The following DMD variants were observed in gnomAD, a reference collection of about 807,000 sequenced individuals.
DMD encodes the protein mutant dystrophin.
In DMD, 63 loss-of-function variants were observed where a neutral mutation model predicts 330.1. The ratio of observed to expected loss-of-function variants is 0.19; its 90% confidence interval spans 0.16 to 0.24. DMD has a LOEUF of 0.24. DMD is among the 10% of genes least tolerant of loss of function. The pLI is 1.00. For missense variants in DMD, 3,344 were observed against 2,684.1 expected (o/e 1.25, Z -5.43); for synonymous variants, 1,223 against 959.8 (o/e 1.27, Z -5.07).
intron 17 of DMD, among the ~76,000 whole-genome samples, chrX:32,542,334 G>C (rs965154781): frequency 8.9e-6 from 1 of 111,794 alleles, no homozygotes; most frequent in Non-Finnish European, 1.9e-5. Context: ...TCGGGAGGTT[G>C]AGGCAGAGAA....
intron 50 of DMD, among the ~76,000 whole-genome samples, chrX:31,774,774 T>C (rs983090644): frequency 8.9e-6 from 1 of 111,852 alleles, no homozygotes; most frequent in African/African-American, 3.2e-5. Flanking sequence ...TTATTTCAGA[T>C]TGTTAGTAAA....
At chrX:33,199,322 G>A (rs1390305334) in intron 1 of DMD, among the ~76,000 whole-genome samples, 1 of 110,946 alleles carries the variant, frequency 9.0e-6, no homozygotes, top group Non-Finnish European at 1.9e-5. Context: ...TATATTAGAG[G>A]ATAAAACCCA....
chrX:32,324,752 T>C (rs1411943369), intron 41 of DMD, among the ~76,000 whole-genome samples: 2 of 111,698 alleles, frequency 1.8e-5, no homozygotes, highest in Non-Finnish European at 3.8e-5. Context: ...AGACAAAAAA[T>C]ACAAATAAAA....
intron 64 of DMD, among the ~76,000 whole-genome samples, chrX:31,213,471 G>T (rs1316139084): frequency 8.9e-6 from 1 of 111,885 alleles, no homozygotes; most frequent in Non-Finnish European, 1.9e-5. Flanking sequence ...ACTCCAATTT[G>T]TGCTCCCTGG....
At chrX:32,850,546 T>TAA (rs1242756073) in intron 2 of DMD, among the ~76,000 whole-genome samples, 5 of 112,047 alleles carry the variant, frequency 4.5e-5, no homozygotes, top group Non-Finnish European at 9.4e-5. Flanking sequence ...ACTTAACCTC[T>TAA]AAGTATCTCA....
intron 44 of DMD, among the ~76,000 whole-genome samples, chrX:32,142,652 G>A (rs17317667): frequency 0.027 from 3,013 of 112,132 alleles, 115 homozygotes; most frequent in Admixed American, 0.16. Context: ...AGTTAGATAT[G>A]GGTCTGAATT....
chrX:32,699,411 A>G, intron 7 of DMD, 118 bp from the exon 8 acceptor site: 1 of 610,992 alleles, frequency 1.6e-6, no homozygotes, highest in Non-Finnish European at 2.7e-6. Context: ...TGAATTGTCC[A>G]TGAATGTCCT....
chrX:31,964,236 C>T (rs1160487749), intron 45 of DMD, among the ~76,000 whole-genome samples: 1 of 111,173 alleles, frequency 9.0e-6, no homozygotes, highest in Non-Finnish European at 1.9e-5. Context: ...AAAGATGAGA[C>T]ATTTTTTGAG....
At chrX:31,539,797 T>C (rs2073681441) in intron 55 of DMD, among the ~76,000 whole-genome samples, 1 of 112,196 alleles carries the variant, frequency 8.9e-6, no homozygotes, top group Admixed American at 9.5e-5. Context: ...CTGGAATTGA[T>C]TCAACGTCTA....
intron 17 of DMD, among the ~76,000 whole-genome samples, chrX:32,536,954 C>A (rs1457591704): frequency 1.8e-5 from 2 of 111,819 alleles, no homozygotes; most frequent in Admixed American, 1.9e-4. Context: ...GCAGAGAAAT[C>A]AGTTAAAAAT....
intron 60 of DMD, among the ~76,000 whole-genome samples, chrX:31,411,041 C>G (rs1016168733): frequency 9.3e-6 from 1 of 107,019 alleles, no homozygotes; most frequent in Non-Finnish European, 1.9e-5. Context: ...GTTGGGATTA[C>G]AGGCGTGAGC....
At chrX:33,301,659 T>C (rs2053664031) in intron 1 of DMD, among the ~76,000 whole-genome samples, 1 of 111,862 alleles carries the variant, frequency 8.9e-6, no homozygotes, top group South Asian at 3.8e-4. Context: ...GCTTCGAAGA[T>C]GATGCCTTGA....
At chrX:32,801,180 G>A (rs756253344) in intron 7 of DMD, among the ~76,000 whole-genome samples, 6 of 111,300 alleles carry the variant, frequency 5.4e-5, no homozygotes, top group Non-Finnish European at 1.1e-4. Context: ...ATTCTCTCCA[G>A]CATCTGTTGT....
Position 32,969,928 on chromosome X carries a change from T to C in DMD, c.93+50211A>G, listed in dbSNP as rs1465221352. Among the ~76,000 whole-genome samples, 13 of 95,141 alleles carry C rather than the reference T, an allele frequency of 1.4e-4. 4 individuals are homozygous for C. The highest frequency in any genetic ancestry group is 6.1e-4 in the African/African-American group (13 of 21,155). 82.6% of individuals were successfully genotyped at this position (95,141 alleles called of 115,157 possible). On this transcript the variant is annotated intron_variant, in intron 2 of 78. Coordinates refer to ENST00000357033, the MANE Select transcript of DMD (RefSeq NM_004006.3). Reference sequence around the variant, plus strand: ...ACCCTTACTCATGTGAAAACATAAATGAAGGGCAAACTCCTTGAAGTAGAA... The same window carrying C: ...ACCCTTACTCATGTGAAAACATAAACGAAGGGCAAACTCCTTGAAGTAGAA...
chrX:32,903,144 C>CAAAAAAA (rs34973696), intron 2 of DMD, among the ~76,000 whole-genome samples: 20 of 32,979 alleles, frequency 6.1e-4, no homozygotes, highest in African/African-American at 1.6e-3. Context: ...GACTCAGTCT[C>CAAAAAAA]AAAAAAAAAA....
chrX:31,965,679 C>A (rs925818853), intron 45 of DMD, among the ~76,000 whole-genome samples: 6 of 111,764 alleles, frequency 5.4e-5, no homozygotes, highest in African/African-American at 1.9e-4. Context: ...CTTCCCCTTA[C>A]AGCCGATGAT....
chrX:32,850,781 T>A (rs16990728), intron 2 of DMD, among the ~76,000 whole-genome samples: 2,567 of 111,865 alleles, frequency 0.023, 82 homozygotes, highest in African/African-American at 0.079. Flanking sequence ...CATGAGGTAA[T>A]TCCCAGCTTT....
At chrX:32,568,038 T>C (rs2051944787) in intron 15 of DMD, among the ~76,000 whole-genome samples, 1 of 112,352 alleles carries the variant, frequency 8.9e-6, no homozygotes, top group African/African-American at 3.2e-5. Context: ...AAATATGTAA[T>C]GATTTGGAAA....
At chrX:32,710,193 TTG>T (rs2065063570) in intron 7 of DMD, among the ~76,000 whole-genome samples, 1 of 110,348 alleles carries the variant, frequency 9.1e-6, no homozygotes, top group Non-Finnish European at 1.9e-5. Flanking sequence ...CACCACTCTC[TTG>T]TGAGTTAAGA....
Sources: allele counts gnomAD v4.1 joint callset (sites outside exome capture counted in the v4.1 genomes callset), GRCh38; gene constraint gnomAD v4.1.1; transcripts MANE v1.5; gene names NCBI Gene and HGNC (gene_info 2026-07-23, HGNC 2026-07-21).